Variants in CCSER1 observed in about 807,000 individuals in gnomAD.
The protein encoded by CCSER1 is coiled-coil serine rich protein 1.
In CCSER1, 41 loss-of-function variants were observed where a neutral mutation model predicts 82.0. That is an observed-to-expected ratio of 0.50 (90% CI 0.39 to 0.65). CCSER1 has a LOEUF of 0.65. CCSER1 is among the 30% of genes least tolerant of loss of function. The probability of loss-of-function intolerance (pLI) is 0.00; values close to 1 mark genes in which losing one functional copy is unlikely to be tolerated. For missense variants in CCSER1, 1,119 were observed against 1,064.2 expected, an observed-to-expected ratio of 1.05 and a Z score of -0.72; for synonymous variants, 414 against 383.9, an observed-to-expected ratio of 1.08 and a Z score of -0.92.
intron 10 of CCSER1, chr4:91,325,082 G>C (rs763389231): frequency 1.8e-5 from 8 of 438,528 alleles, no homozygotes; most frequent in Non-Finnish European, 3.6e-5. Context: ...GCCCTAAATA[G>C]CTTGGGGCTA....
chr4:91,282,005 T>C (rs1742950923), intron 10 of CCSER1, among the ~76,000 whole-genome samples: 1 of 152,220 alleles, frequency 6.6e-6, no homozygotes, highest in African/African-American at 2.4e-5. Flanking sequence ...TTTTTAGCTT[T>C]TAATTACTTA....
chr4:90,431,898 T>G (rs28450357), intron 4 of CCSER1, among the ~76,000 whole-genome samples: 2,695 of 152,176 alleles, frequency 0.018, 34 homozygotes, highest in African/African-American at 0.038. Context: ...CTGAATACAG[T>G]TGTTCTCCCA....
chr4:90,567,970 T>C (rs890836321), intron 5 of CCSER1, among the ~76,000 whole-genome samples: 5 of 152,196 alleles, frequency 3.3e-5, no homozygotes, highest in African/African-American at 1.2e-4. Flanking sequence ...TTCATGAGCA[T>C]GTTGTTTAAT....
intron 5 of CCSER1, among the ~76,000 whole-genome samples, chr4:90,503,681 C>A (rs776209601): frequency 6.6e-6 from 1 of 151,936 alleles, no homozygotes; most frequent in African/African-American, 2.4e-5. Flanking sequence ...TTTCTCCTTG[C>A]GATAGTTTGC....
intron 7 of CCSER1, among the ~76,000 whole-genome samples, chr4:90,729,480 T>G (rs1455807709): frequency 3.3e-5 from 5 of 152,196 alleles, no homozygotes; most frequent in Non-Finnish European, 7.4e-5. Context: ...TTATTAATTT[T>G]GAGAAGGAGT....
intron 9 of CCSER1, among the ~76,000 whole-genome samples, chr4:90,944,068 T>G (rs1581166698): frequency 6.6e-6 from 1 of 151,700 alleles, no homozygotes; most frequent in Admixed American, 6.6e-5. Context: ...ACCCCGTCGC[T>G]ACTAAAATAC....
intron 7 of CCSER1, among the ~76,000 whole-genome samples, chr4:90,760,804 C>T (rs1750307102): frequency 6.6e-6 from 1 of 151,986 alleles, no homozygotes; most frequent in African/African-American, 2.4e-5. Flanking sequence ...GCTGAGGTTA[C>T]AAAAACAAAT....
chr4:91,239,290 AT>A (rs1363232106), intron 10 of CCSER1, among the ~76,000 whole-genome samples: 1 of 70,484 alleles, frequency 1.4e-5, no homozygotes, highest in Non-Finnish European at 2.8e-5. Flanking sequence ...AGGCAGTCTC[AT>A]TTTAGAATGT....
In CCSER1 at chr4:91,182,166, G is replaced by A. The variant is rs1043640995; in HGVS notation, c.2217+96172G>A. ...TCCTCCTCAGTGTCAGTCTCAACATGCTGCAACCGAAGGGTCCTTGGGATC... is the reference window on the plus strand; with the variant it reads ...TCCTCCTCAGTGTCAGTCTCAACATACTGCAACCGAAGGGTCCTTGGGATC... On this transcript the variant is annotated intron_variant, in intron 10 of 10. Coordinates refer to ENST00000509176, the MANE Select transcript of CCSER1 (RefSeq NM_001145065.2). 2.0e-5 allele frequency among the ~76,000 whole-genome samples: 3 copies of A among 152,154 alleles called. No individual in the cohort carries two copies. In the East Asian group the frequency reaches 5.8e-4, roughly 29 times the overall value.
chr4:91,517,385 G>A (rs1208261752), intron 10 of CCSER1, among the ~76,000 whole-genome samples: 7 of 152,110 alleles, frequency 4.6e-5, no homozygotes, highest in Admixed American at 2.0e-4. Flanking sequence ...CTAGTCATTT[G>A]AGAGTTTTTA....
At chr4:90,409,434 G>A (rs899587282) in intron 4 of CCSER1, among the ~76,000 whole-genome samples, 10 of 152,246 alleles carry the variant, frequency 6.6e-5, no homozygotes, top group East Asian at 1.9e-4. Flanking sequence ...CTGATCTCTC[G>A]GCAGAAACTC....
chr4:91,054,205 C>T (rs1261555722), intron 9 of CCSER1, among the ~76,000 whole-genome samples: 3 of 152,174 alleles, frequency 2.0e-5, no homozygotes, highest in Non-Finnish European at 4.4e-5. Context: ...TGTCCGCAAT[C>T]ACAGCTTCAC....
At chr4:90,941,737 G>A (rs1731608199) in intron 9 of CCSER1, among the ~76,000 whole-genome samples, 1 of 151,996 alleles carries the variant, frequency 6.6e-6, no homozygotes. Context: ...AATATTATAT[G>A]CTGGCACCTT....
intron 7 of CCSER1, among the ~76,000 whole-genome samples, chr4:90,776,436 G>A (rs1021418148): frequency 3.3e-5 from 5 of 152,170 alleles, no homozygotes; most frequent in Non-Finnish European, 7.3e-5. Context: ...AGCTCAAACT[G>A]ACCTTGTTTT....
intron 1 of CCSER1, among the ~76,000 whole-genome samples, chr4:90,260,513 C>T (rs1724124810): frequency 6.6e-6 from 1 of 151,014 alleles, no homozygotes. Flanking sequence ...TAATATTGTT[C>T]TTTGTCTTTT....
At chr4:90,705,279 AGAACAGCAAATATTGCT>A (rs1402309896) in intron 6 of CCSER1, among the ~76,000 whole-genome samples, 10 of 152,376 alleles carry the variant, frequency 6.6e-5, no homozygotes, top group East Asian at 5.8e-4. Context: ...CAGAGGCTGC[AGAACAGCAAATATTGCT>A]GAACAGCAAA....
intron 8 of CCSER1, among the ~76,000 whole-genome samples, chr4:90,862,917 T>TTTTTA (rs1407390599): frequency 6.6e-6 from 1 of 150,440 alleles, no homozygotes; most frequent in Non-Finnish European, 1.5e-5. Context: ...CTTTTTTTTT[T>TTTTTA]TTTTTTTGAG....
At chr4:91,470,320 T>C (rs184883022) in intron 10 of CCSER1, among the ~76,000 whole-genome samples, 88 of 152,334 alleles carry the variant, frequency 5.8e-4, no homozygotes, top group African/African-American at 1.7e-3. Context: ...AGAAGGTATC[T>C]AAATCCTTTG....
chr4:90,730,413 T>C (rs2149400152), intron 7 of CCSER1, among the ~76,000 whole-genome samples: 1 of 152,334 alleles, frequency 6.6e-6, no homozygotes, highest in South Asian at 2.1e-4. Flanking sequence ...CTAAGCCATC[T>C]ATGCATTCAA....
Sources: allele counts gnomAD v4.1 joint callset (sites outside exome capture counted in the v4.1 genomes callset), GRCh38; gene constraint gnomAD v4.1.1; transcripts MANE v1.5; gene names NCBI Gene and HGNC (gene_info 2026-07-23, HGNC 2026-07-21).